NCOR1: variants seen among roughly 807,000 people sequenced by gnomAD.
NCOR1 encodes the protein protein phosphatase 1, regulatory subunit 109.
Under a neutral mutation model 288.1 loss-of-function variants are expected in NCOR1, and 63 were observed. The observed-to-expected ratio is 0.22, with a 90% CI of 0.18 to 0.27. The LOEUF (loss-of-function observed/expected upper bound fraction) is 0.27, where lower values mean the gene tolerates loss of function less well. NCOR1 is among the 10% of genes least tolerant of loss of function. The probability of loss-of-function intolerance (pLI) is 1.00; values close to 1 mark genes in which losing one functional copy is unlikely to be tolerated. For missense variants in NCOR1, 2,397 were observed against 3,019.2 expected (o/e 0.79, Z 4.83); for synonymous variants, 1,007 against 1,065.9 (o/e 0.94, Z 1.08).
chr17:16,058,259 T>C (rs1288540311), intron 38 of NCOR1, 195 bp from the exon 39 acceptor site: 1 of 880,430 alleles, frequency 1.1e-6, no homozygotes, highest in African/African-American at 1.7e-5. Context: ...AAAATATAAA[T>C]GCAGAAGTAA....
intron 3 of NCOR1, among the ~76,000 whole-genome samples, chr17:16,172,533 T>C (rs918213413): frequency 6.6e-6 from 1 of 152,182 alleles, no homozygotes; most frequent in Non-Finnish European, 1.5e-5. Flanking sequence ...GCCACCATTT[T>C]TCAACCAATA....
At chr17:16,116,981 A>T (rs2071741886) in intron 18 of NCOR1, among the ~76,000 whole-genome samples, 1 of 152,238 alleles carries the variant, frequency 6.6e-6, no homozygotes, top group South Asian at 2.1e-4. Flanking sequence ...TATACTGAAA[A>T]AAAGTAAATA....
At chr17:16,127,467 ATG>A (rs1332469324) in intron 14 of NCOR1, among the ~76,000 whole-genome samples, 5 of 144,666 alleles carry the variant, frequency 3.5e-5, no homozygotes, top group Non-Finnish European at 6.0e-5. Flanking sequence ...ATATACGTGT[ATG>A]TGTATATATA....
chr17:16,138,266 A>G, intron 12 of NCOR1, 54 bp from the exon 13 acceptor site: 1 of 1,316,982 alleles, frequency 7.6e-7, no homozygotes, highest in Non-Finnish European at 1.1e-6. Flanking sequence ...TCAACAACTA[A>G]AAAAAAAAAA....
At position 16,082,559 on chromosome 17, in the gene NCOR1, T is replaced by TA. The variant is rs1387733284; in HGVS notation, c.3178-1833dup. Reference sequence around the variant, plus strand: ...ATTAAGACTCTGTCTCTATAAAAAATAAAAAAAAAATTAAAAGCCAGGCAT... The same window carrying TA: ...ATTAAGACTCTGTCTCTATAAAAAATAAAAAAAAAAATTAAAAGCCAGGCAT... On this transcript the variant is annotated intron_variant, in intron 23 of 45. Coordinates refer to ENST00000268712, the MANE Select transcript of NCOR1 (RefSeq NM_006311.4). Among the ~76,000 whole-genome samples, 96 of 148,142 alleles carry TA rather than the reference T, an allele frequency of 6.5e-4. 2 individuals carry two copies. Among genetic ancestry groups the TA allele is most frequent in the South Asian group, 2.3e-3 (11 of 4,684 alleles).
intron 11 of NCOR1, 102 bp downstream of exon 11, chr17:16,143,503 CA>C (rs2077434092): frequency 2.4e-6 from 2 of 839,954 alleles, no homozygotes; most frequent in Admixed American, 4.8e-5. Flanking sequence ...CTCTAGCACT[CA>C]ATTAAGTTCC....
chr17:16,132,967 TCTC>T (rs2075874022), intron 14 of NCOR1, among the ~76,000 whole-genome samples: 1 of 151,318 alleles, frequency 6.6e-6, no homozygotes, highest in African/African-American at 2.4e-5. Flanking sequence ...TTTCTCTTTC[TCTC>T]TTCTTTCTTT....
rs918209968 is a variant in NCOR1 at position 16,119,290 on chromosome 17, T to C, written c.1915+133A>G. ...TACTACCAGAAAAGAACTCTTAAAG[T>C]CACTTCTGAGTCCTCTTTGCCTTTT... On this transcript the variant is annotated intron_variant, in intron 17 of 45. Transcript: ENST00000268712. The C allele has an allele frequency of 6.9e-6, 4 of 576,724 alleles. No homozygotes were observed. The African/African-American group carries it at 7.5e-5, about 11-fold the overall frequency. 35.7% of individuals were successfully genotyped at this position (576,724 alleles called of 1,614,324 possible).
intron 6 of NCOR1, among the ~76,000 whole-genome samples, chr17:16,157,363 A>G (rs2079984902): frequency 6.6e-6 from 1 of 152,204 alleles, no homozygotes; most frequent in Non-Finnish European, 1.5e-5. Flanking sequence ...TTACCTGCCC[A>G]TAACACTTAC....
intron 40 of NCOR1, among the ~76,000 whole-genome samples, chr17:16,054,799 G>A (rs1012500155): frequency 6.6e-6 from 1 of 152,128 alleles, no homozygotes; most frequent in Non-Finnish European, 1.5e-5. Flanking sequence ...AGATATGGGG[G>A]CAGGAGCCTG....
chr17:16,048,993 T>A lies in NCOR1; in HGVS notation c.6393-5A>T. ...TCTGGGGATTTTCCAGGCCTACTAT[T>A]GTAATATGTGAAATATTAGATTGTG... On this transcript the variant is annotated splice_region_variant and splice_polypyrimidine_tract_variant and intron_variant, in intron 40 of 45. Coordinates refer to ENST00000268712, the MANE Select transcript of NCOR1 (RefSeq NM_006311.4). 2 of 1,598,270 alleles carry A rather than the reference T, an allele frequency of 1.3e-6. No individual in the cohort carries two copies. The highest frequency in any genetic ancestry group is 1.7e-6 in the Non-Finnish European group (2 of 1,169,276).
intron 42 of NCOR1, among the ~76,000 whole-genome samples, chr17:16,045,440 T>A (rs2058500475): frequency 6.6e-6 from 1 of 152,230 alleles, no homozygotes; most frequent in African/African-American, 2.4e-5. Context: ...ATGCTTAGAA[T>A]AGAGCCTACC....
In NCOR1 at chr17:16,059,301, C is replaced by A. The variant is rs2285584; in HGVS notation, c.5882-702G>T. ...TGAGGCTATAAAGCTGCTTCATTCA[C>A]CACCATGATGATTTTAAAGCTATGG... On this transcript the variant is annotated intron_variant, in intron 37 of 45. Coordinates refer to ENST00000268712, the MANE Select transcript of NCOR1 (RefSeq NM_006311.4). 2.0e-5 allele frequency among the ~76,000 whole-genome samples: 3 copies of A among 152,172 alleles called. 1 individual carries two copies. The East Asian group carries it at 5.8e-4, about 29-fold the overall frequency.
chr17:16,210,752 CAG>C (rs2092039073), intron 1 of NCOR1, among the ~76,000 whole-genome samples: 2 of 149,060 alleles, frequency 1.3e-5, no homozygotes, highest in South Asian at 2.1e-4. Flanking sequence ...TTTCTTGAGG[CAG>C]AGTCTCACTC....
At chr17:16,196,851 A>G (rs138906717) in intron 1 of NCOR1, among the ~76,000 whole-genome samples, 1 of 149,412 alleles carries the variant, frequency 6.7e-6, no homozygotes, top group Non-Finnish European at 1.5e-5. Flanking sequence ...GAAAAGAAAA[A>G]AAAAAGAAAA....
In NCOR1 at chr17:16,029,693, C is replaced by T. The variant is rs965699633; in HGVS notation, c.*2603G>A. 1.3e-5 allele frequency: 2 copies of T among 153,784 alleles called. No individual in the cohort carries two copies. Among genetic ancestry groups the T allele is most frequent in the African/African-American group, 2.4e-5 (1 of 41,456 alleles). 9.5% of individuals were successfully genotyped at this position (153,784 alleles called of 1,614,324 possible). ...TGTCAGTGCTGCTCTGTGCTTACCACTTAAATCATGATAAGGTGAACCTCC... is the reference window on the plus strand; with the variant it reads ...TGTCAGTGCTGCTCTGTGCTTACCATTTAAATCATGATAAGGTGAACCTCC... On this transcript the variant is annotated 3_prime_UTR_variant, in exon 46 of 46. Coordinates refer to ENST00000268712, the MANE Select transcript of NCOR1 (RefSeq NM_006311.4).
At chr17:16,094,220 G>A (rs1318515516) in intron 21 of NCOR1, among the ~76,000 whole-genome samples, 1 of 151,960 alleles carries the variant, frequency 6.6e-6, no homozygotes, top group African/African-American at 2.4e-5. Context: ...GCCTTATTAT[G>A]CAGACCGGTC....
intron 5 of NCOR1, among the ~76,000 whole-genome samples, chr17:16,162,511 C>A (rs1599688088): frequency 6.7e-6 from 1 of 148,254 alleles, no homozygotes; most frequent in South Asian, 2.1e-4. Flanking sequence ...AATAACAGAA[C>A]CCCGAAGAAA....
chr17:16,046,215 G>A (rs13342609), intron 42 of NCOR1, among the ~76,000 whole-genome samples: 71 of 152,326 alleles, frequency 4.7e-4, no homozygotes, highest in African/African-American at 1.5e-3. Context: ...AAGCACAGAC[G>A]GACTTGGACT....
Sources: allele counts gnomAD v4.1 joint callset (sites outside exome capture counted in the v4.1 genomes callset), GRCh38; gene constraint gnomAD v4.1.1; transcripts MANE v1.5; gene names NCBI Gene and HGNC (gene_info 2026-07-23, HGNC 2026-07-21).